MDGA2: variants seen among roughly 807,000 people sequenced by gnomAD.
The protein encoded by MDGA2 is MAM domain containing glycosylphosphatidylinositol anchor 2.
A neutral mutation model predicts 117.8 loss-of-function variants in MDGA2; 40 were observed. The observed-to-expected ratio is 0.34, with a 90% CI of 0.26 to 0.44. MDGA2 has a LOEUF of 0.44. MDGA2 is among the 20% of genes least tolerant of loss of function. The probability of loss-of-function intolerance (pLI) is 1.00; values close to 1 mark genes in which losing one functional copy is unlikely to be tolerated. For missense variants in MDGA2, 1,123 were observed against 1,250.6 expected (o/e 0.90, Z 1.54); for synonymous variants, 452 against 439.0 (o/e 1.03, Z -0.37).
chr14:47,173,166 C>T (rs569089278), intron 3 of MDGA2, among the ~76,000 whole-genome samples: 15 of 152,282 alleles, frequency 9.9e-5, no homozygotes, highest in Non-Finnish European at 1.6e-4. Flanking sequence ...ACCAAATCTA[C>T]GTCTGATTGG....
At chr14:47,657,897 T>C (rs1217458061) in intron 1 of MDGA2, among the ~76,000 whole-genome samples, 1 of 152,140 alleles carries the variant, frequency 6.6e-6, no homozygotes, top group Admixed American at 6.5e-5. Flanking sequence ...ATGACTATTA[T>C]ATGTAGCTGT....
intron 1 of MDGA2, among the ~76,000 whole-genome samples, chr14:47,389,635 CACA>C (rs1891847564): frequency 6.7e-6 from 1 of 150,300 alleles, no homozygotes. Context: ...CACACACACA[CACA>C]CTTCAGAAAG....
At chr14:47,664,914 C>T (rs1044950047) in intron 1 of MDGA2, among the ~76,000 whole-genome samples, 5 of 152,186 alleles carry the variant, frequency 3.3e-5, no homozygotes, top group Non-Finnish European at 5.9e-5. Flanking sequence ...CAGTTAGCTT[C>T]GCACATTTAA....
chr14:47,402,615 A>C (rs752677276), intron 1 of MDGA2, among the ~76,000 whole-genome samples: 1 of 152,132 alleles, frequency 6.6e-6, no homozygotes, highest in Non-Finnish European at 1.5e-5. Context: ...AAAAGAAGAA[A>C]AGAGAAGGCA....
chr14:47,390,417 T>C (rs1045825213), intron 1 of MDGA2, among the ~76,000 whole-genome samples: 1 of 152,148 alleles, frequency 6.6e-6, no homozygotes, highest in Non-Finnish European at 1.5e-5. Flanking sequence ...CTGGTGCCTC[T>C]CGCCAAAACA....
At chr14:47,572,919 A>G (rs1407509597) in intron 1 of MDGA2, among the ~76,000 whole-genome samples, 1 of 152,176 alleles carries the variant, frequency 6.6e-6, no homozygotes, top group African/African-American at 2.4e-5. Context: ...ATTTTAATAT[A>G]AATGCTCTTT....
intron 1 of MDGA2, among the ~76,000 whole-genome samples, chr14:47,637,349 T>A (rs1489018431): frequency 1.3e-5 from 2 of 152,184 alleles, no homozygotes; most frequent in Non-Finnish European, 2.9e-5. Context: ...ATTTTATGAA[T>A]AAACTATTTA....
At chr14:47,122,425 T>C (rs549478759) in intron 5 of MDGA2, among the ~76,000 whole-genome samples, 7 of 152,208 alleles carry the variant, frequency 4.6e-5, no homozygotes, top group African/African-American at 7.2e-5. Context: ...GGGGGGACTA[T>C]TGGGTTTCCC....
chr14:47,341,463 G>A (rs773638331), intron 1 of MDGA2, among the ~76,000 whole-genome samples: 2 of 152,122 alleles, frequency 1.3e-5, no homozygotes, highest in East Asian at 1.9e-4. Flanking sequence ...TCTTTGGTAC[G>A]TAATTTCTTA....
At chr14:47,201,016 C>A (rs1410055250) in intron 3 of MDGA2, 2 of 996,868 alleles carry the variant, frequency 2.0e-6, no homozygotes, top group African/African-American at 3.2e-5. Flanking sequence ...CACTTTCCTG[C>A]CCAGCAGTAC....
chr14:46,940,883 G>C (rs975796363), intron 9 of MDGA2, among the ~76,000 whole-genome samples: 1 of 152,194 alleles, frequency 6.6e-6, no homozygotes, highest in Non-Finnish European at 1.5e-5. Flanking sequence ...CAAGGAGCAA[G>C]AGGTGTTCAA....
At chr14:47,191,747 G>A (rs1396323094) in intron 3 of MDGA2, among the ~76,000 whole-genome samples, 9 of 152,028 alleles carry the variant, frequency 5.9e-5, no homozygotes, top group Non-Finnish European at 8.8e-5. Context: ...ACACATCATA[G>A]TTAAATAATA....
At chr14:47,198,882 A>C (rs1885388621) in intron 3 of MDGA2, among the ~76,000 whole-genome samples, 1 of 152,188 alleles carries the variant, frequency 6.6e-6, no homozygotes, top group Non-Finnish European at 1.5e-5. Flanking sequence ...TTTAGATGTG[A>C]CTAATATCTT....
intron 8 of MDGA2, among the ~76,000 whole-genome samples, chr14:46,981,151 C>T (rs1209155813): frequency 3.0e-5 from 4 of 134,590 alleles, no homozygotes; most frequent in African/African-American, 1.2e-4. Context: ...TGCCTGTAAT[C>T]CCAGCACTTT....
Position 46,947,848 on chromosome 14 carries a change from T to A in MDGA2, c.2089+9526A>T, listed in dbSNP as rs1038714194. Among the ~76,000 whole-genome samples the A allele has an allele frequency of 9.0e-4, 137 of 151,662 alleles. 1 individual carries two copies. The highest frequency in any genetic ancestry group is 3.2e-3 in the African/African-American group (133 of 41,224). On this transcript the variant is annotated intron_variant, in intron 9 of 16. Coordinates refer to ENST00000399232, the MANE Select transcript of MDGA2 (RefSeq NM_001113498.3). ...TTTACTTTCTAATTTAAAAAAAAAA[T>A]CTCAGTTATTATTTTTTTCATTTAA...
At chr14:47,413,424 A>T (rs893212893) in intron 1 of MDGA2, among the ~76,000 whole-genome samples, 1 of 152,214 alleles carries the variant, frequency 6.6e-6, no homozygotes, top group Non-Finnish European at 1.5e-5. Context: ...GCAGTGGGAA[A>T]GAAAGAAGTA....
chr14:47,380,395 A>G (rs952831631), intron 1 of MDGA2, among the ~76,000 whole-genome samples: 1 of 152,184 alleles, frequency 6.6e-6, no homozygotes, highest in Non-Finnish European at 1.5e-5. Flanking sequence ...AGAGATAGAG[A>G]CACAAAAAAC....
intron 1 of MDGA2, among the ~76,000 whole-genome samples, chr14:47,478,597 A>G (rs1386671395): frequency 6.6e-6 from 1 of 152,010 alleles, no homozygotes; most frequent in Non-Finnish European, 1.5e-5. Flanking sequence ...GCTGGTCTCA[A>G]ACTCCTGGGC....
chr14:47,444,714 A>T (rs1893085316), intron 1 of MDGA2, among the ~76,000 whole-genome samples: 1 of 152,150 alleles, frequency 6.6e-6, no homozygotes, highest in South Asian at 2.1e-4. Context: ...CCTTTAAAAA[A>T]ATGGAAGGGT....
Sources: gnomAD v4.1 joint callset for allele counts (sites outside exome capture counted in the v4.1 genomes callset) on GRCh38, gnomAD v4.1.1 for gene constraint, MANE v1.5 for transcripts, NCBI Gene and HGNC (gene_info 2026-07-23, HGNC 2026-07-21) for gene names.